The following PREX2 variants were observed in gnomAD, a reference collection of about 807,000 sequenced individuals.
PREX2 encodes the protein phosphatidylinositol 3,4,5-trisphosphate-dependent Rac exchanger 2 protein.
A neutral mutation model predicts 203.2 loss-of-function variants in PREX2; 107 were observed. The ratio of observed to expected loss-of-function variants is 0.53; its 90% confidence interval spans 0.45 to 0.62. PREX2 has a LOEUF of 0.62. Ranked by LOEUF, PREX2 falls within the 20% of genes least tolerant of loss-of-function variation. PREX2 has a pLI of 0.00. For missense variants in PREX2, 1,777 were observed against 1,955.9 expected, an observed-to-expected ratio of 0.91 and a Z score of 1.72; for synonymous variants, 672 against 663.6, an observed-to-expected ratio of 1.01 and a Z score of -0.19.
chr8:68,184,532 A>C (rs563467474), intron 35 of PREX2, among the ~76,000 whole-genome samples: 1 of 152,334 alleles, frequency 6.6e-6, no homozygotes, highest in South Asian at 2.1e-4. Context: ...GATAGGAAGC[A>C]ATATCAGGAG....
intron 19 of PREX2, among the ~76,000 whole-genome samples, chr8:68,088,523 C>G (rs1809771338): frequency 6.6e-6 from 1 of 152,096 alleles, no homozygotes. Context: ...TGTAAAGTAT[C>G]TTGATGTGAT....
In PREX2 at chr8:68,053,204, G is replaced by A; in HGVS notation, c.1051G>A (p.Glu351Lys). Residue 351 changes from glutamate to lysine, a missense_variant, in exon 9 of 40, where the codon GAA (glutamate) becomes AAA (lysine). Physicochemically the swap from Glu to Lys is moderately conservative, Grantham distance 56. Coordinates refer to ENST00000288368, the MANE Select transcript of PREX2 (RefSeq NM_024870.4). ...GGCAAAAACACCTGAAGAGAAGCAT[G>A]AATGGTTTGAAGCTATTTTGAAAGA... Reference protein sequence around the residue: ...CMAKTPEEKHEWFEAILKERE... With the variant: ...CMAKTPEEKHKWFEAILKERE... 1 of 1,613,708 alleles carries A rather than the reference G, an allele frequency of 6.2e-7. No individual in the cohort carries two copies. The highest frequency in any genetic ancestry group is 8.5e-7 in the Non-Finnish European group (1 of 1,179,722).
intron 1 of PREX2, among the ~76,000 whole-genome samples, chr8:68,017,538 C>T (rs1251323713): frequency 6.6e-6 from 1 of 152,144 alleles, no homozygotes; most frequent in Non-Finnish European, 1.5e-5. Flanking sequence ...TTGTGCTTTG[C>T]AAGTCTTAGA....
At chr8:67,996,643 G>A (rs950764984) in intron 1 of PREX2, among the ~76,000 whole-genome samples, 6 of 151,866 alleles carry the variant, frequency 4.0e-5, no homozygotes, top group Admixed American at 3.3e-4. Context: ...CTTCAATTTC[G>A]ATAAAATCTA....
chr8:68,174,231 T>C (rs148429779), intron 35 of PREX2, among the ~76,000 whole-genome samples: 1 of 152,318 alleles, frequency 6.6e-6, no homozygotes, highest in Non-Finnish European at 1.5e-5. Context: ...AAATTTAGCT[T>C]GCAGCCAGAA....
chr8:68,122,928 G>A (rs555602096), intron 30 of PREX2, among the ~76,000 whole-genome samples: 50 of 152,178 alleles, frequency 3.3e-4, no homozygotes, highest in African/African-American at 1.2e-3. Context: ...GTCTGATTAT[G>A]TCATCGATTT....
chr8:68,173,988 T>C (rs1811931453), intron 35 of PREX2, among the ~76,000 whole-genome samples: 2 of 152,142 alleles, frequency 1.3e-5, no homozygotes, highest in African/African-American at 4.8e-5. Context: ...GGAAGCAAGA[T>C]TGATTTTTAT....
At chr8:68,080,255 A>G (rs1161410084) in intron 15 of PREX2, among the ~76,000 whole-genome samples, 188 bp from the exon 16 acceptor site, 4 of 148,618 alleles carry the variant, frequency 2.7e-5, no homozygotes, top group African/African-American at 7.5e-5. Context: ...AATTGAAAGG[A>G]GACATTGGCT....
rs550676040 is a variant in PREX2 at position 68,141,478 on chromosome 8, C to A, written c.4087+2961C>A. ...CAATAATGAATGAGGAATGAATAAT[C>A]AACAATCAATAAGAAATCAATATAA... On this transcript the variant is annotated intron_variant, in intron 33 of 39. Coordinates refer to ENST00000288368, the MANE Select transcript of PREX2 (RefSeq NM_024870.4). 2.4e-4 allele frequency among the ~76,000 whole-genome samples: 36 copies of A among 152,132 alleles called. No individual in the cohort carries two copies. The South Asian group carries it at 6.4e-3, about 27-fold the overall frequency.
chr8:68,080,845 T>C lies in PREX2; in HGVS notation c.1878+7T>C, dbSNP rs1391192836. 1 of 1,342,804 alleles carries C rather than the reference T, an allele frequency of 7.4e-7. No individual in the cohort carries two copies. The highest frequency in any genetic ancestry group is 1.2e-5 in the South Asian group (1 of 80,030). The allele number at this position is 1,342,804 out of a possible 1,614,324, so 83.2% of individuals were successfully genotyped here. On this transcript the variant is annotated splice_region_variant and intron_variant, in intron 17 of 39. Transcript: ENST00000288368. ...AAAGGGATCTAATGCTGAGGTAATGTAAATTAGCGTTTTAATTTAAATTTG... is the reference window on the plus strand; with the variant it reads ...AAAGGGATCTAATGCTGAGGTAATGCAAATTAGCGTTTTAATTTAAATTTG...
intron 35 of PREX2, among the ~76,000 whole-genome samples, chr8:68,187,920 C>T (rs1047637657): frequency 3.3e-5 from 5 of 152,080 alleles, no homozygotes; most frequent in East Asian, 3.9e-4. Flanking sequence ...GCTGGGACAG[C>T]GTTTGCAGAG....
At chr8:68,070,977 T>C (rs1213757549) in intron 13 of PREX2, among the ~76,000 whole-genome samples, 1 of 152,178 alleles carries the variant, frequency 6.6e-6, no homozygotes, top group Non-Finnish European at 1.5e-5. Flanking sequence ...CTTTCACAGA[T>C]ACCCATAAAT....
At chr8:68,134,865 T>C (rs1811081997) in intron 32 of PREX2, among the ~76,000 whole-genome samples, 1 of 152,234 alleles carries the variant, frequency 6.6e-6, no homozygotes, top group South Asian at 2.1e-4. Context: ...TGAAAGCATC[T>C]TGAAATATTT....
intron 4 of PREX2, 24 bp from the exon 5 acceptor site, chr8:68,027,196 ATT>A (rs776317032): frequency 4.0e-6 from 6 of 1,517,310 alleles, no homozygotes; most frequent in Non-Finnish European, 5.5e-6. Flanking sequence ...TAAAGATGTA[ATT>A]AATTTTGATT....
chr8:68,046,228 G>A (rs928030281), intron 8 of PREX2, among the ~76,000 whole-genome samples: 1 of 151,892 alleles, frequency 6.6e-6, no homozygotes, highest in African/African-American at 2.4e-5. Context: ...TTTACTCCCC[G>A]TGATGTCAGT....
rs186673269 is a variant in PREX2 at position 67,972,571 on chromosome 8, T to C, written c.141+20036T>C. Among the ~76,000 whole-genome samples the C allele has an allele frequency of 4.1e-3, 630 of 152,338 alleles. 6 individuals are homozygous for C. The highest frequency in any genetic ancestry group is 0.015 in the African/African-American group (614 of 41,584). ...CGTGACTATCTTTTAACCATACCTC[T>C]TAGTTCTGTCACCAGTTTTGAGCTC... On this transcript the variant is annotated intron_variant, in intron 1 of 39. Transcript: ENST00000288368.
intron 34 of PREX2, among the ~76,000 whole-genome samples, chr8:68,148,587 C>G (rs1811372988): frequency 6.6e-6 from 1 of 152,172 alleles, no homozygotes; most frequent in African/African-American, 2.4e-5. Context: ...ATAACTTTGG[C>G]AAAAGCCAAT....
intron 31 of PREX2, among the ~76,000 whole-genome samples, chr8:68,128,264 G>A (rs746172498): frequency 2.0e-5 from 3 of 152,122 alleles, no homozygotes; most frequent in Non-Finnish European, 4.4e-5. Context: ...ATGTGTATGT[G>A]TATACACAGA....
At chr8:68,055,652 T>A (rs1010138073) in intron 9 of PREX2, among the ~76,000 whole-genome samples, 178 bp from the exon 10 acceptor site, 1 of 152,146 alleles carries the variant, frequency 6.6e-6, no homozygotes, top group Non-Finnish European at 1.5e-5. Flanking sequence ...GATCTTGCCT[T>A]GCAGGTCTCC....
Sources: gnomAD v4.1 joint callset for allele counts (sites outside exome capture counted in the v4.1 genomes callset) on GRCh38, gnomAD v4.1.1 for gene constraint, MANE v1.5 for transcripts, NCBI Gene and HGNC (gene_info 2026-07-23, HGNC 2026-07-21) for gene names.